The following PRKN variants were observed in gnomAD, a reference collection of about 807,000 sequenced individuals.
The protein encoded by PRKN is parkin RBR E3 ubiquitin protein ligase, also known as E3 ubiquitin-protein ligase parkin.
In PRKN, 56 loss-of-function variants were observed where a neutral mutation model predicts 59.5. The observed-to-expected ratio is 0.94, with a 90% CI of 0.76 to 1.18. PRKN has a LOEUF of 1.18. PRKN is among the 50% of genes most tolerant of loss of function. PRKN has a pLI of 0.00. For missense variants in PRKN, 657 were observed against 596.4 expected, an observed-to-expected ratio of 1.10 and a Z score of -1.06; for synonymous variants, 250 against 222.1, an observed-to-expected ratio of 1.13 and a Z score of -1.12.
chr6:161,693,848 A>G (rs927630138), intron 7 of PRKN, among the ~76,000 whole-genome samples: 10 of 152,236 alleles, frequency 6.6e-5, no homozygotes, highest in African/African-American at 1.9e-4. Flanking sequence ...AATGTGCTCA[A>G]TCAATGCAGA....
intron 2 of PRKN, among the ~76,000 whole-genome samples, chr6:162,298,170 GGAGAGAGAGA>G (rs113066522): frequency 6.7e-6 from 1 of 148,808 alleles, no homozygotes; most frequent in Non-Finnish European, 1.5e-5. Flanking sequence ...CAGACGGAGG[GGAGAGAGAGA>G]GAGAGAGAGA....
rs1562348592 is a variant in PRKN at position 161,867,751 on chromosome 6, T to TTATTTATTTATTTATTTATG, written c.735-81844_735-81843insCATAAATAAATAAATAAATA. On this transcript the variant is annotated intron_variant, in intron 6 of 11. Coordinates refer to ENST00000366898, the MANE Select transcript of PRKN (RefSeq NM_004562.3). ...TGGGAAAAATCTTTCATTTATTTATTTATTTATTTATTTATTTATTTATTT... is the reference window on the plus strand; with the variant it reads ...TGGGAAAAATCTTTCATTTATTTATTTATTTATTTATTTATTTATGTATTTATTTATTTATTTATTTATTT... Among the ~76,000 whole-genome samples, 18 of 141,288 alleles carry TTATTTATTTATTTATTTATG rather than the reference T, an allele frequency of 1.3e-4. 1 individual carries two copies. The highest frequency in any genetic ancestry group is 4.9e-4 in the African/African-American group (16 of 32,954). The allele number at this position is 141,288 out of a possible 152,430, so 92.7% of individuals were successfully genotyped here.
chr6:161,707,479 ACC>A (rs1271166568), intron 7 of PRKN, among the ~76,000 whole-genome samples: 1 of 152,208 alleles, frequency 6.6e-6, no homozygotes, highest in Non-Finnish European at 1.5e-5. Context: ...CCATATGGAC[ACC>A]CACACATATG....
At chr6:162,667,897 T>G (rs980455254) in intron 1 of PRKN, among the ~76,000 whole-genome samples, 1 of 152,170 alleles carries the variant, frequency 6.6e-6, no homozygotes, top group Non-Finnish European at 1.5e-5. Flanking sequence ...TGCAAAGCAG[T>G]TGGAACAGAA....
chr6:162,687,031 A>G (rs1341693956), intron 1 of PRKN, among the ~76,000 whole-genome samples: 1 of 151,786 alleles, frequency 6.6e-6, no homozygotes, highest in South Asian at 2.1e-4. Context: ...TTTTGGTTCC[A>G]TATGAATTTT....
intron 4 of PRKN, among the ~76,000 whole-genome samples, chr6:162,088,474 C>A (rs978822347): frequency 6.6e-6 from 1 of 152,018 alleles, no homozygotes; most frequent in African/African-American, 2.4e-5. Context: ...AAGATAATTG[C>A]ATTTATTAGA....
At chr6:162,670,696 T>G (rs994519054) in intron 1 of PRKN, among the ~76,000 whole-genome samples, 2 of 152,186 alleles carry the variant, frequency 1.3e-5, no homozygotes, top group African/African-American at 4.8e-5. Context: ...GTGGGTTTTA[T>G]GGAAGAAAAA....
intron 1 of PRKN, among the ~76,000 whole-genome samples, chr6:162,598,102 C>A (rs1208793309): frequency 6.6e-6 from 1 of 152,186 alleles, no homozygotes; most frequent in Non-Finnish European, 1.5e-5. Context: ...AAATCACCAT[C>A]TGTGTTGCCA....
intron 9 of PRKN, among the ~76,000 whole-genome samples, chr6:161,512,031 T>G (rs1413058014): frequency 6.6e-6 from 1 of 152,226 alleles, no homozygotes; most frequent in Admixed American, 6.5e-5. Context: ...TGTCACTGTA[T>G]GCAGAATCTC....
At chr6:162,023,033 G>T (rs1783270327) in intron 5 of PRKN, among the ~76,000 whole-genome samples, 1 of 152,110 alleles carries the variant, frequency 6.6e-6, no homozygotes, top group African/African-American at 2.4e-5. Context: ...TTTTGTACCA[G>T]TATTGAAATG....
At chr6:162,504,306 G>A (rs1793509276) in intron 1 of PRKN, among the ~76,000 whole-genome samples, 2 of 152,182 alleles carry the variant, frequency 1.3e-5, no homozygotes, top group Admixed American at 1.3e-4. Flanking sequence ...CTAGATCTGA[G>A]AATCTGTGCA....
intron 7 of PRKN, among the ~76,000 whole-genome samples, chr6:161,750,158 C>T (rs1327579707): frequency 1.4e-5 from 2 of 148,090 alleles, no homozygotes; most frequent in Admixed American, 6.7e-5. Context: ...TAAATTAGTA[C>T]AAAATTGTTT....
intron 10 of PRKN, among the ~76,000 whole-genome samples, chr6:161,374,556 G>A (rs1438999916): frequency 1.9e-4 from 15 of 78,516 alleles, no homozygotes; most frequent in East Asian, 5.9e-4. Flanking sequence ...GGTGTGTGAT[G>A]TGTGTGTGGT....
chr6:162,093,451 C>T (rs1349646657), intron 4 of PRKN, among the ~76,000 whole-genome samples: 9 of 152,236 alleles, frequency 5.9e-5, no homozygotes, highest in African/African-American at 1.9e-4. Context: ...AATAGAGGCA[C>T]ACTCATATCT....
intron 4 of PRKN, among the ~76,000 whole-genome samples, chr6:162,058,879 G>A (rs1777975364): frequency 6.7e-6 from 1 of 150,240 alleles, no homozygotes; most frequent in Non-Finnish European, 1.5e-5. Context: ...TTGAGCCAGG[G>A]AGGCAGAGAT....
At chr6:161,412,386 C>T (rs1787615867) in intron 9 of PRKN, among the ~76,000 whole-genome samples, 1 of 149,002 alleles carries the variant, frequency 6.7e-6, no homozygotes, top group Non-Finnish European at 1.5e-5. Context: ...TTCCTCCACT[C>T]ACTCACTCCT....
At position 161,576,961 on chromosome 6, in the gene PRKN, C is replaced by T. The variant is rs1277943166; in HGVS notation, c.872-7545G>A. ...GTTTAGAGAATCTATTAAACAATGT[C>T]GATGCACGCAAATATACTAAGAATA... On this transcript the variant is annotated intron_variant, in intron 7 of 11. Transcript: ENST00000366898. This position sits in a 1 kb window ranked among gnomAD's most constrained non-coding sequence, Gnocchi z 4.6. Among the ~76,000 whole-genome samples the T allele has an allele frequency of 5.3e-5, 8 of 152,078 alleles. No homozygotes were observed. Among genetic ancestry groups the T allele is most frequent in the Non-Finnish European group, 7.4e-5 (5 of 68,026 alleles).
intron 1 of PRKN, among the ~76,000 whole-genome samples, chr6:162,518,426 C>T (rs893554709): frequency 7.2e-5 from 11 of 152,094 alleles, no homozygotes; most frequent in African/African-American, 2.2e-4. Context: ...AGTGCTGTGG[C>T]GCAATCTCGG....
At chr6:161,806,409 T>C (rs1791325207) in intron 6 of PRKN, among the ~76,000 whole-genome samples, 1 of 152,154 alleles carries the variant, frequency 6.6e-6, no homozygotes, top group Non-Finnish European at 1.5e-5. Flanking sequence ...CTTTCCCAAC[T>C]CATACTGAAC....
Sources: allele counts gnomAD v4.1 joint callset (sites outside exome capture counted in the v4.1 genomes callset), GRCh38; gene constraint gnomAD v4.1.1; non-coding constraint Gnocchi (gnomAD v3.1); transcripts MANE v1.5; gene names NCBI Gene and HGNC (gene_info 2026-07-23, HGNC 2026-07-21).